The following SUGCT variants were observed in gnomAD, a reference collection of about 807,000 sequenced individuals.
The protein encoded by SUGCT is succinyl-CoA:glutarate CoA-transferase.
SUGCT carries 41 observed loss-of-function variants against 55.0 expected under a neutral mutation model. The observed-to-expected ratio is 0.74, with a 90% CI of 0.58 to 0.97. The LOEUF is 0.97. Among genes scored for constraint, SUGCT ranks in the 50% least tolerant of loss-of-function variants. SUGCT has a pLI of 0.00. For missense variants in SUGCT, 568 were observed against 547.8 expected, an observed-to-expected ratio of 1.04 and a Z score of -0.37; for synonymous variants, 187 against 200.4, an observed-to-expected ratio of 0.93 and a Z score of 0.56.
At chr7:40,336,753 T>C (rs1239334711) in intron 9 of SUGCT, among the ~76,000 whole-genome samples, 3 of 152,226 alleles carry the variant, frequency 2.0e-5, no homozygotes, top group Admixed American at 6.5e-5. Flanking sequence ...TCTCCTTCAG[T>C]TCTGCTCTGA....
At chr7:40,903,806 C>T in the SUGCT span, among the ~76,000 whole-genome samples, 3 of 152,122 alleles carry the variant, frequency 2.0e-5, no homozygotes, top group Non-Finnish European at 4.4e-5. Context: ...AGAAAGATTG[C>T]TATTGTTCAA....
chr7:40,276,373 A>G (rs1450157059), intron 8 of SUGCT, among the ~76,000 whole-genome samples: 1 of 152,164 alleles, frequency 6.6e-6, no homozygotes, highest in Non-Finnish European at 1.5e-5. Flanking sequence ...GAAGCCATGA[A>G]GGTTTCATGG....
At chr7:40,885,639 A>G in the SUGCT span, among the ~76,000 whole-genome samples, 5 of 152,020 alleles carry the variant, frequency 3.3e-5, no homozygotes, top group Non-Finnish European at 7.4e-5. Flanking sequence ...CCTCCATCCT[A>G]TGATTGGCCT....
intron 7 of SUGCT, among the ~76,000 whole-genome samples, chr7:40,254,133 G>A (rs1172200613): frequency 1.1e-4 from 16 of 152,282 alleles, no homozygotes; most frequent in Admixed American, 5.9e-4. Flanking sequence ...AAGGAAAGCC[G>A]AAAGAAGAGT....
chr7:40,932,098 T>C, the SUGCT span, among the ~76,000 whole-genome samples: 2 of 152,252 alleles, frequency 1.3e-5, no homozygotes, highest in Non-Finnish European at 2.9e-5. Flanking sequence ...GCTTTAAATG[T>C]GTCTCAGAGA....
At chr7:40,588,191 T>G (rs1797501710) in intron 12 of SUGCT, among the ~76,000 whole-genome samples, 1 of 151,904 alleles carries the variant, frequency 6.6e-6, no homozygotes, top group Non-Finnish European at 1.5e-5. Flanking sequence ...TGTGAGTCAC[T>G]GCGCCCAGCC....
At chr7:40,317,915 G>A (rs1795526610) in intron 9 of SUGCT, among the ~76,000 whole-genome samples, 1 of 152,110 alleles carries the variant, frequency 6.6e-6, no homozygotes, top group Non-Finnish European at 1.5e-5. Context: ...TCAACACATT[G>A]AGTTGATCTT....
chr7:40,497,917 A>G (rs943768597), intron 12 of SUGCT, among the ~76,000 whole-genome samples: 9 of 152,032 alleles, frequency 5.9e-5, no homozygotes, highest in Admixed American at 1.3e-4. Context: ...AGGCTTTGAT[A>G]AACAAAGATT....
At chr7:40,443,072 A>G (rs1583688150) in intron 9 of SUGCT, among the ~76,000 whole-genome samples, 1 of 152,166 alleles carries the variant, frequency 6.6e-6, no homozygotes, top group African/African-American at 2.4e-5. Flanking sequence ...TTATGGCTGC[A>G]TAGTATTCCA....
chr7:40,682,198 CCA>C (rs1415980583), intron 12 of SUGCT, among the ~76,000 whole-genome samples: 2 of 152,188 alleles, frequency 1.3e-5, no homozygotes, highest in African/African-American at 4.8e-5. Flanking sequence ...GGTCCCTGCT[CCA>C]TCTCAGCCTG....
chr7:40,165,036 ACAT>A (rs1235840029), intron 1 of SUGCT, among the ~76,000 whole-genome samples: 1 of 152,210 alleles, frequency 6.6e-6, no homozygotes, highest in Non-Finnish European at 1.5e-5. Flanking sequence ...TGGAAAGGAA[ACAT>A]CATGCTAACT....
chr7:40,548,836 T>C (rs1471806553), intron 12 of SUGCT, among the ~76,000 whole-genome samples: 1 of 152,228 alleles, frequency 6.6e-6, no homozygotes, highest in Admixed American at 6.5e-5. Flanking sequence ...CTCTTCCTAT[T>C]CATCCTTTCC....
At chr7:40,460,090 A>G (rs962311822) in intron 11 of SUGCT, among the ~76,000 whole-genome samples, 2 of 152,222 alleles carry the variant, frequency 1.3e-5, no homozygotes, top group Non-Finnish European at 2.9e-5. Flanking sequence ...TGTAGTATAC[A>G]TCAAAGTTAT....
intron 9 of SUGCT, among the ~76,000 whole-genome samples, chr7:40,448,674 C>T (rs1443571326): frequency 6.6e-6 from 1 of 152,022 alleles, no homozygotes; most frequent in African/African-American, 2.4e-5. Flanking sequence ...AGTGAGACCC[C>T]ATTTCTACAA....
intron 13 of SUGCT, among the ~76,000 whole-genome samples, chr7:40,846,729 G>T (rs985653389): frequency 6.6e-6 from 1 of 152,166 alleles, no homozygotes; most frequent in Non-Finnish European, 1.5e-5. Flanking sequence ...CCACTGATAT[G>T]AGAGCAGATT....
At chr7:40,768,133 A>G (rs1201440487) in intron 13 of SUGCT, among the ~76,000 whole-genome samples, 8 of 152,154 alleles carry the variant, frequency 5.3e-5, no homozygotes, top group African/African-American at 1.4e-4. Context: ...CAGAAAACCA[A>G]GCAGCATATT....
intron 9 of SUGCT, among the ~76,000 whole-genome samples, chr7:40,334,693 T>G (rs868859981): frequency 6.6e-5 from 10 of 152,334 alleles, no homozygotes; most frequent in African/African-American, 2.4e-4. Context: ...TTTCTCCCAT[T>G]CTGTAGGTTG....
At chr7:40,496,762 A>C (rs1250041819) in intron 12 of SUGCT, among the ~76,000 whole-genome samples, 1 of 152,046 alleles carries the variant, frequency 6.6e-6, no homozygotes, top group Non-Finnish European at 1.5e-5. Flanking sequence ...ATTATCTTAA[A>C]CCTCTGATCA....
chr7:40,855,450 T>C (rs1239754095), intron 13 of SUGCT, among the ~76,000 whole-genome samples: 1 of 152,174 alleles, frequency 6.6e-6, no homozygotes, highest in African/African-American at 2.4e-5. Context: ...TTTTCTAAAT[T>C]CCTAATTTTA....
Sources: gnomAD v4.1 joint callset for allele counts (sites outside exome capture counted in the v4.1 genomes callset) on GRCh38, gnomAD v4.1.1 for gene constraint, MANE v1.5 for transcripts, NCBI Gene and HGNC (gene_info 2026-07-23, HGNC 2026-07-21) for gene names.